The following RABGAP1L variants were observed in gnomAD, a reference collection of about 807,000 sequenced individuals.
The protein encoded by RABGAP1L is RAB GTPase activating protein 1 like, also known as rab GTPase-activating protein 1-like.
Under a neutral mutation model 137.7 loss-of-function variants are expected in RABGAP1L, and 63 were observed. The observed-to-expected ratio is 0.46, with a 90% CI of 0.37 to 0.56. The LOEUF is 0.56. Among genes scored for constraint, RABGAP1L ranks in the 20% least tolerant of loss-of-function variants. The pLI is 0.00. For synonymous variants in RABGAP1L, 431 were observed against 433.7 expected (o/e 0.99, Z 0.08); for missense variants, 1,095 against 1,244.0 (o/e 0.88, Z 1.80).
chr1:174,436,031 AC>A (rs1558231995), intron 13 of RABGAP1L, among the ~76,000 whole-genome samples: 1 of 152,266 alleles, frequency 6.6e-6, no homozygotes, highest in East Asian at 1.9e-4. Context: ...TATATGTGCC[AC>A]ATTTTCTTAA....
In RABGAP1L at chr1:174,275,797, G is replaced by T. The variant is rs1456385095; in HGVS notation, c.1054-36G>T. The T allele has an allele frequency of 8.8e-6, 13 of 1,469,914 alleles. No homozygotes were observed. The Admixed American group carries it at 1.2e-4, about 13-fold the overall frequency. 91.1% of individuals were successfully genotyped at this position (1,469,914 alleles called of 1,614,324 possible). Reference sequence around the variant, plus strand: ...AATTTAAAGTAGTGATTTTTTTGATGTCTTTTATCAGTAATTACTGTTTGA... The same window carrying T: ...AATTTAAAGTAGTGATTTTTTTGATTTCTTTTATCAGTAATTACTGTTTGA... On this transcript the variant is annotated intron_variant, in intron 8 of 25. Transcript: ENST00000681986.
At chr1:174,469,335 T>C (rs1165734099) in intron 13 of RABGAP1L, among the ~76,000 whole-genome samples, 1 of 152,220 alleles carries the variant, frequency 6.6e-6, no homozygotes, top group Non-Finnish European at 1.5e-5. Flanking sequence ...CACTACTTTC[T>C]AGTAAATCAG....
intron 13 of RABGAP1L, among the ~76,000 whole-genome samples, chr1:174,486,822 T>C (rs1447361934): frequency 6.6e-6 from 1 of 152,150 alleles, no homozygotes. Context: ...GGTTTTGGTA[T>C]GTTATATTTT....
intron 13 of RABGAP1L, among the ~76,000 whole-genome samples, chr1:174,521,440 GA>G (rs1663383704): frequency 6.6e-6 from 1 of 152,154 alleles, no homozygotes; most frequent in Non-Finnish European, 1.5e-5. Flanking sequence ...TTTAGAATCA[GA>G]TTTTTTGCTT....
intron 1 of RABGAP1L, among the ~76,000 whole-genome samples, chr1:174,204,799 CGAGATGTG>C (rs1668388473): frequency 6.6e-6 from 1 of 152,140 alleles, no homozygotes; most frequent in African/African-American, 2.4e-5. Context: ...GTTGTTCTCA[CGAGATGTG>C]GAGTGTAGTA....
chr1:174,545,525 G>C (rs1489518181), intron 13 of RABGAP1L: 2 of 141,020 alleles, frequency 1.4e-5, no homozygotes, highest in African/African-American at 5.4e-5. Flanking sequence ...GGCTAGGAAA[G>C]GGAATTCCCC....
At chr1:174,586,148 G>C (rs986908520) in intron 13 of RABGAP1L, among the ~76,000 whole-genome samples, 2 of 152,010 alleles carry the variant, frequency 1.3e-5, no homozygotes, top group African/African-American at 4.8e-5. Flanking sequence ...TGATAGACTG[G>C]GTAAAGAAAA....
At chr1:174,276,250 C>T (rs1318947087) in intron 9 of RABGAP1L, among the ~76,000 whole-genome samples, 1 of 152,124 alleles carries the variant, frequency 6.6e-6, no homozygotes, top group Admixed American at 6.6e-5. Flanking sequence ...AGCAATCCTC[C>T]CACCTCAGCC....
chr1:174,451,490 A>G (rs1487836178), intron 13 of RABGAP1L, among the ~76,000 whole-genome samples: 1 of 152,148 alleles, frequency 6.6e-6, no homozygotes, highest in African/African-American at 2.4e-5. Context: ...TTTTGAGATA[A>G]TAGTTATTAT....
chr1:174,708,859 G>GA (rs1296841075), intron 17 of RABGAP1L, among the ~76,000 whole-genome samples: 1 of 152,218 alleles, frequency 6.6e-6, no homozygotes, highest in Non-Finnish European at 1.5e-5. Flanking sequence ...TGAAGCCAGG[G>GA]AGTTGAGTGG....
intron 13 of RABGAP1L, among the ~76,000 whole-genome samples, chr1:174,580,703 C>A (rs964987080): frequency 6.6e-6 from 1 of 152,022 alleles, no homozygotes; most frequent in South Asian, 2.1e-4. Context: ...ATGGGTGCAG[C>A]GCACCAACAT....
chr1:174,261,300 A>G (rs1673562251), intron 7 of RABGAP1L, among the ~76,000 whole-genome samples: 1 of 152,196 alleles, frequency 6.6e-6, no homozygotes, highest in South Asian at 2.1e-4. Context: ...CAATCATTAT[A>G]TATACATTAG....
chr1:174,165,779 G>C (rs1309564606), intron 1 of RABGAP1L, among the ~76,000 whole-genome samples: 1 of 152,196 alleles, frequency 6.6e-6, no homozygotes, highest in Non-Finnish European at 1.5e-5. Context: ...GATTACAGTT[G>C]TGAGCCACCA....
chr1:174,604,216 T>C (rs1170212467), intron 13 of RABGAP1L, among the ~76,000 whole-genome samples: 1 of 152,182 alleles, frequency 6.6e-6, no homozygotes, highest in East Asian at 1.9e-4. Context: ...GGAACTCAGA[T>C]ACCAACCACT....
At chr1:174,711,367 G>A (rs944947144) in intron 17 of RABGAP1L, among the ~76,000 whole-genome samples, 4 of 152,252 alleles carry the variant, frequency 2.6e-5, no homozygotes, top group African/African-American at 7.2e-5. Flanking sequence ...GAGTGAGTGA[G>A]GGCTGCCGGC....
At chr1:174,451,070 G>C (rs528909134) in intron 13 of RABGAP1L, among the ~76,000 whole-genome samples, 2 of 152,112 alleles carry the variant, frequency 1.3e-5, no homozygotes, top group South Asian at 4.2e-4. Flanking sequence ...AAAACACTTA[G>C]GACAAGAGTT....
intron 13 of RABGAP1L, among the ~76,000 whole-genome samples, chr1:174,501,002 A>C (rs553785468): frequency 1.6e-3 from 240 of 152,252 alleles, no homozygotes; most frequent in African/African-American, 5.4e-3. Context: ...AGAAGAAACT[A>C]AACATTTTCT....
At chr1:174,220,540 C>T (rs1425857362) in intron 2 of RABGAP1L, among the ~76,000 whole-genome samples, 3 of 151,960 alleles carry the variant, frequency 2.0e-5, no homozygotes, top group African/African-American at 4.8e-5. Context: ...TGGTCGTGCA[C>T]GCCTGTAGTC....
intron 13 of RABGAP1L, among the ~76,000 whole-genome samples, chr1:174,483,639 C>G (rs1659342792): frequency 6.6e-6 from 1 of 152,038 alleles, no homozygotes; most frequent in African/African-American, 2.4e-5. Context: ...ACAGCCTGGC[C>G]AACATGGTGA....
Sources: gnomAD v4.1 joint callset for allele counts (sites outside exome capture counted in the v4.1 genomes callset) on GRCh38, gnomAD v4.1.1 for gene constraint, MANE v1.5 for transcripts, NCBI Gene and HGNC (gene_info 2026-07-23, HGNC 2026-07-21) for gene names.